Variants in LRMDA observed in about 807,000 individuals in gnomAD.
The protein encoded by LRMDA is leucine rich melanocyte differentiation associated, also known as leucine-rich melanocyte differentiation-associated protein.
LRMDA carries 18 observed loss-of-function variants against 29.8 expected under a neutral mutation model. The ratio of observed to expected loss-of-function variants is 0.60; its 90% CI spans 0.42 to 0.90. The LOEUF (loss-of-function observed/expected upper bound fraction) is 0.90. Ranked by LOEUF, LRMDA falls within the 40% of genes least tolerant of loss-of-function variation. The pLI is 0.00. For synonymous variants in LRMDA, 125 were observed against 109.4 expected (o/e 1.14, Z -0.89); for missense variants, 273 against 273.9 (o/e 1.00, Z 0.02).
At chr10:75,766,245 T>C (rs867648551) in intron 2 of LRMDA, among the ~76,000 whole-genome samples, 25 of 152,340 alleles carry the variant, frequency 1.6e-4, no homozygotes, top group African/African-American at 5.3e-4. Flanking sequence ...GAGTAGGTCC[T>C]CTATAAACAG....
At chr10:76,109,087 C>T (rs917454582) in intron 5 of LRMDA, among the ~76,000 whole-genome samples, 2 of 152,176 alleles carry the variant, frequency 1.3e-5, no homozygotes, top group Non-Finnish European at 2.9e-5. Context: ...AGCTCTCCCT[C>T]GCTGAGAGGT....
chr10:75,920,122 T>G (rs1197800541), intron 2 of LRMDA, among the ~76,000 whole-genome samples: 1 of 152,138 alleles, frequency 6.6e-6, no homozygotes, highest in Non-Finnish European at 1.5e-5. Flanking sequence ...GTTCCCAGTC[T>G]CTAGGCCTAG....
intron 2 of LRMDA, among the ~76,000 whole-genome samples, chr10:75,757,620 A>G (rs1283980150): frequency 6.6e-6 from 1 of 152,098 alleles, no homozygotes; most frequent in Non-Finnish European, 1.5e-5. Flanking sequence ...AATGGGTGCA[A>G]TGAGATCATA....
intron 5 of LRMDA, among the ~76,000 whole-genome samples, chr10:76,147,290 G>T (rs938995892): frequency 1.3e-5 from 2 of 152,222 alleles, no homozygotes; most frequent in African/African-American, 4.8e-5. Context: ...TTTCCAACTT[G>T]GTTCCATTCT....
chr10:76,510,206 G>C (rs1030360049), intron 6 of LRMDA, among the ~76,000 whole-genome samples: 4 of 152,202 alleles, frequency 2.6e-5, no homozygotes, highest in African/African-American at 7.2e-5. Flanking sequence ...GAGTAGCTGA[G>C]ACTACAAGCG....
At chr10:76,163,534 A>C (rs138898501) in intron 5 of LRMDA, among the ~76,000 whole-genome samples, 2 of 152,322 alleles carry the variant, frequency 1.3e-5, no homozygotes, top group African/African-American at 4.8e-5. Context: ...GATGCTATAC[A>C]TAAAGCATTA....
intron 5 of LRMDA, among the ~76,000 whole-genome samples, chr10:76,258,633 C>G (rs1839896435): frequency 6.6e-6 from 1 of 152,102 alleles, no homozygotes; most frequent in South Asian, 2.1e-4. Flanking sequence ...TTCCCAGCCT[C>G]TTGTATCATC....
intron 5 of LRMDA, among the ~76,000 whole-genome samples, chr10:76,310,484 A>AT (rs34687226): frequency 0.61 from 92,906 of 151,664 alleles, 32,043 homozygotes; most frequent in Non-Finnish European, 0.81. Context: ...CAAAAGAGGT[A>AT]TTTTTTCCCT....
At chr10:75,823,667 A>ATGAT (rs1844201003) in intron 2 of LRMDA, among the ~76,000 whole-genome samples, 1 of 150,754 alleles carries the variant, frequency 6.6e-6, no homozygotes, top group South Asian at 2.1e-4. Context: ...CCATCAATGG[A>ATGAT]TGATTGGATT....
At chr10:76,172,091 G>A (rs1334483419) in intron 5 of LRMDA, among the ~76,000 whole-genome samples, 1 of 152,128 alleles carries the variant, frequency 6.6e-6, no homozygotes, top group East Asian at 1.9e-4. Flanking sequence ...CGGCTCTCAA[G>A]GGGACTAATC....
chr10:75,448,445 C>T (rs564893036), intron 2 of LRMDA, among the ~76,000 whole-genome samples: 218 of 152,230 alleles, frequency 1.4e-3, no homozygotes, highest in African/African-American at 4.0e-3. Flanking sequence ...GTCAGGGTGG[C>T]TGTTAGGAGC....
chr10:75,536,892 G>T (rs911957441), intron 2 of LRMDA, among the ~76,000 whole-genome samples: 2 of 152,010 alleles, frequency 1.3e-5, no homozygotes, highest in Non-Finnish European at 2.9e-5. Flanking sequence ...GATCAGGCTT[G>T]CTTGACATTT....
At position 76,047,185 on chromosome 10, in the gene LRMDA, C is replaced by T; in HGVS notation, c.280C>T (p.Leu94=). Residue 94 remains leucine, a synonymous_variant, in exon 4 of 7, where the codon CTG becomes TTG. Coordinates refer to ENST00000611255, the MANE Select transcript of LRMDA (RefSeq NM_001305581.2). Reference sequence around the variant, plus strand: ...TCACATCACTGATTTGGAGAACCTGCTGGATCACTTGGCAGAAGTGACACC... The same window carrying T: ...TCACATCACTGATTTGGAGAACCTGTTGGATCACTTGGCAGAAGTGACACC... The part of the protein sequence containing the change: ...KNRITDLENL[L]DHLAEVTPAL... 6.2e-7 allele frequency: 1 copy of T among 1,614,032 alleles called. No individual in the cohort carries two copies. The highest frequency in any genetic ancestry group is 2.2e-5 in the East Asian group (1 of 44,876).
intron 5 of LRMDA, among the ~76,000 whole-genome samples, chr10:76,148,923 T>C (rs1031859247): frequency 8.6e-5 from 13 of 152,030 alleles, no homozygotes; most frequent in Admixed American, 7.2e-4. Flanking sequence ...TGGAATAGAG[T>C]CGCTGAGTCT....
chr10:76,530,819 G>T (rs995418937), intron 6 of LRMDA, among the ~76,000 whole-genome samples: 2 of 152,136 alleles, frequency 1.3e-5, no homozygotes, highest in Non-Finnish European at 1.5e-5. Flanking sequence ...CGTACTCCAC[G>T]TGGTGTTCTG....
At chr10:75,734,178 A>C (rs567597087) in intron 2 of LRMDA, among the ~76,000 whole-genome samples, 287 of 152,292 alleles carry the variant, frequency 1.9e-3, no homozygotes, top group Non-Finnish European at 3.4e-3. Flanking sequence ...CAAGTGTTAT[A>C]TGTGGTTTGC....
At position 76,360,204 on chromosome 10, in the gene LRMDA, T is replaced by C. The variant is rs191201540; in HGVS notation, c.601+35719T>C. 2.3e-3 allele frequency among the ~76,000 whole-genome samples: 357 copies of C among 152,224 alleles called. 3 individuals are homozygous for C. The highest frequency in any genetic ancestry group is 3.5e-3 in the Non-Finnish European group (239 of 68,016). On this transcript the variant is annotated intron_variant, in intron 6 of 6. Transcript: ENST00000611255. ...GGTTTCTCCATGTTGGTCAGGCTGG[T>C]CTTGAACTCCTGACCTCAGGTGGTC... is the stretch of plus-strand genomic sequence containing the variant.
At chr10:76,392,067 G>A (rs560067928) in intron 6 of LRMDA, among the ~76,000 whole-genome samples, 5 of 152,276 alleles carry the variant, frequency 3.3e-5, no homozygotes, top group South Asian at 2.1e-4. Flanking sequence ...AGCTAAATAA[G>A]GAGAAAAGCC....
intron 2 of LRMDA, among the ~76,000 whole-genome samples, chr10:75,772,533 G>A (rs1843254627): frequency 6.6e-6 from 1 of 152,160 alleles, no homozygotes; most frequent in Non-Finnish European, 1.5e-5. Flanking sequence ...CAAGGATCAG[G>A]GATGAATGCT....
Sources: gnomAD v4.1 joint callset for allele counts (sites outside exome capture counted in the v4.1 genomes callset) on GRCh38, gnomAD v4.1.1 for gene constraint, MANE v1.5 for transcripts, NCBI Gene and HGNC (gene_info 2026-07-23, HGNC 2026-07-21) for gene names.